Variants in SEMA3D observed in about 807,000 individuals in gnomAD.
SEMA3D encodes the protein semaphorin 3D.
SEMA3D carries 84 observed loss-of-function variants against 100.1 expected under a neutral mutation model. The observed-to-expected ratio is 0.84, with a 90% confidence interval of 0.70 to 1.01. The LOEUF is 1.01. Ranked by LOEUF, SEMA3D falls within the 50% of genes least tolerant of loss-of-function variation. The probability of loss-of-function intolerance (pLI) is 0.00; values close to 1 mark genes in which losing one functional copy is unlikely to be tolerated. For synonymous variants in SEMA3D, 312 were observed against 320.7 expected, an observed-to-expected ratio of 0.97 and a Z score of 0.29; for missense variants, 875 against 934.1, an observed-to-expected ratio of 0.94 and a Z score of 0.82.
In SEMA3D at chr7:84,997,335, C is replaced by T. The variant is rs1789530285; in HGVS notation, c.*2105G>A. The T allele has an allele frequency of 1.3e-5, 2 of 152,044 alleles. No homozygotes were observed. The highest frequency in any genetic ancestry group is 1.3e-4 in the Admixed American group (2 of 15,250). The allele number at this position is 152,044 out of a possible 1,614,324, so 9.4% of individuals were successfully genotyped here. Reference sequence around the variant, plus strand: ...TTTTTTTAAATTAAAAATGTTCCCACTTAATTGCTTTGAGCTCGCTATGAG... The same window carrying T: ...TTTTTTTAAATTAAAAATGTTCCCATTTAATTGCTTTGAGCTCGCTATGAG... On this transcript the variant is annotated 3_prime_UTR_variant, in exon 19 of 19. Coordinates refer to ENST00000284136, the MANE Select transcript of SEMA3D (RefSeq NM_001384900.1).
At chr7:85,037,190 T>C (rs577538802) in intron 11 of SEMA3D, among the ~76,000 whole-genome samples, 157 bp from the exon 12 acceptor site, 3 of 152,332 alleles carry the variant, frequency 2.0e-5, no homozygotes, top group Non-Finnish European at 4.4e-5. Flanking sequence ...CTCAAGTGGC[T>C]TACAGCCAAG....
chr7:85,239,790 C>G, the SEMA3D span, among the ~76,000 whole-genome samples: 1 of 152,134 alleles, frequency 6.6e-6, no homozygotes, highest in Non-Finnish European at 1.5e-5. Context: ...ATTGTGCACT[C>G]TGGTGTTGTA....
chr7:85,031,962 T>C (rs529893658), intron 12 of SEMA3D, among the ~76,000 whole-genome samples: 1 of 152,052 alleles, frequency 6.6e-6, no homozygotes, highest in South Asian at 2.1e-4. Context: ...CATTCGGCAG[T>C]ATATCAATCA....
chr7:85,245,609 A>T, the SEMA3D span, among the ~76,000 whole-genome samples: 1 of 152,188 alleles, frequency 6.6e-6, no homozygotes, highest in African/African-American at 2.4e-5. Flanking sequence ...TTCAACATTT[A>T]TCTTACTTAG....
chr7:85,249,905 C>G, the SEMA3D span, among the ~76,000 whole-genome samples: 1 of 152,174 alleles, frequency 6.6e-6, no homozygotes, highest in African/African-American at 2.4e-5. Context: ...CTACAGCTCC[C>G]AGCGTGAGCG....
the SEMA3D span, among the ~76,000 whole-genome samples, chr7:85,199,709 C>T: frequency 6.6e-6 from 1 of 152,150 alleles, no homozygotes; most frequent in East Asian, 1.9e-4. Context: ...TTTGTTTTAT[C>T]CTTCACTTTT....
chr7:85,099,156 A>G (rs574343882), intron 3 of SEMA3D, among the ~76,000 whole-genome samples: 19 of 152,118 alleles, frequency 1.2e-4, no homozygotes, highest in Admixed American at 3.9e-4. Context: ...TTTTGTGTGG[A>G]CATAGTGATA....
At chr7:85,098,038 GAAGAAAGAAA>G in intron 3 of SEMA3D, 73 bp from the exon 4 acceptor site, 1 of 766,604 alleles carries the variant, frequency 1.3e-6, no homozygotes. Flanking sequence ...AGGAGAGAAA[GAAGAAAGAAA>G]AAGAAAGGAA....
the SEMA3D span, among the ~76,000 whole-genome samples, chr7:85,223,029 A>G: frequency 3.3e-5 from 5 of 152,118 alleles, no homozygotes; most frequent in African/African-American, 9.7e-5. Context: ...AGATATACAA[A>G]TGGCCAACAA....
intron 6 of SEMA3D, among the ~76,000 whole-genome samples, chr7:85,070,121 G>C (rs976070484): frequency 6.6e-6 from 1 of 152,204 alleles, no homozygotes; most frequent in Non-Finnish European, 1.5e-5. Flanking sequence ...CAGCCATGGA[G>C]TTAGTAAATG....
At chr7:85,162,451 A>G (rs1184165615) in intron 1 of SEMA3D, among the ~76,000 whole-genome samples, 1 of 152,210 alleles carries the variant, frequency 6.6e-6, no homozygotes, top group African/African-American at 2.4e-5. Context: ...TAATAATAAC[A>G]AAAGTTATTA....
At chr7:85,116,900 G>T (rs1330521973) in intron 3 of SEMA3D, among the ~76,000 whole-genome samples, 1 of 152,078 alleles carries the variant, frequency 6.6e-6, no homozygotes, top group Non-Finnish European at 1.5e-5. Context: ...AAAAGTAAAA[G>T]ATTGTATAAA....
intron 7 of SEMA3D, 150 bp downstream of exon 7, chr7:85,068,041 A>C: frequency 1.7e-6 from 1 of 600,076 alleles, no homozygotes; most frequent in East Asian, 2.8e-5. Context: ...TGCTCAGTAC[A>C]GACAAATTTG....
intron 9 of SEMA3D, among the ~76,000 whole-genome samples, chr7:85,055,141 A>G (rs1791272410): frequency 6.6e-6 from 1 of 152,134 alleles, no homozygotes; most frequent in Non-Finnish European, 1.5e-5. Context: ...TTAATAGAGT[A>G]ATAACGTAAC....
rs1286778409 is a variant in SEMA3D, at chr7:85,015,170, A to G, written c.1592T>C (p.Leu531Ser). 6.2e-7 allele frequency: 1 copy of G among 1,611,932 alleles called. No individual in the cohort carries two copies. The highest frequency in any genetic ancestry group is 8.5e-7 in the Non-Finnish European group (1 of 1,178,572). ...GSRDGLVQLS[L>S]HRCDTYGKAC... Reference sequence around the variant, plus strand: ...TTTCCCATAAGTGTCGCATCTGTGCAAGGAGAGCTGAACCAATCCATCTCG... The same window carrying G: ...TTTCCCATAAGTGTCGCATCTGTGCGAGGAGAGCTGAACCAATCCATCTCG... Residue 531 changes from leucine to serine, a missense_variant, in exon 16 of 19, where the codon TTG (leucine) becomes TCG (serine). Leu to Ser is a moderately radical substitution (Grantham distance 145). Coordinates refer to ENST00000284136, the MANE Select transcript of SEMA3D (RefSeq NM_001384900.1).
chr7:85,022,973 T>C (rs1490933995), intron 12 of SEMA3D, among the ~76,000 whole-genome samples: 1 of 152,062 alleles, frequency 6.6e-6, no homozygotes, highest in South Asian at 2.1e-4. Flanking sequence ...TGGAAAGCCA[T>C]TATTTTCAAT....
At chr7:85,158,006 A>G (rs1790645991) in intron 1 of SEMA3D, among the ~76,000 whole-genome samples, 1 of 152,182 alleles carries the variant, frequency 6.6e-6, no homozygotes, top group African/African-American at 2.4e-5. Flanking sequence ...GTGATTTCCT[A>G]TGCCTATCTT....
intron 3 of SEMA3D, among the ~76,000 whole-genome samples, chr7:85,119,855 T>G (rs1789357538): frequency 6.6e-6 from 1 of 152,138 alleles, no homozygotes; most frequent in Non-Finnish European, 1.5e-5. Flanking sequence ...AACTGCTATA[T>G]CATTCAGCAC....
chr7:85,030,165 C>T (rs1790505950), intron 12 of SEMA3D, among the ~76,000 whole-genome samples: 1 of 150,422 alleles, frequency 6.6e-6, no homozygotes, highest in Admixed American at 6.7e-5. Context: ...AAAAAATTTT[C>T]AGGAATCCTT....
Sources: allele counts gnomAD v4.1 joint callset (sites outside exome capture counted in the v4.1 genomes callset), GRCh38; gene constraint gnomAD v4.1.1; transcripts MANE v1.5; gene names NCBI Gene and HGNC (gene_info 2026-07-23, HGNC 2026-07-21).